KIAA1755: variants seen among roughly 807,000 people sequenced by gnomAD.
KIAA1755 encodes KIAA1755.
A neutral mutation model predicts 91.7 loss-of-function variants in KIAA1755; 68 were observed. The ratio of observed to expected loss-of-function variants is 0.74; its 90% CI spans 0.61 to 0.91. KIAA1755 has a LOEUF of 0.91. KIAA1755 is among the 40% of genes least tolerant of loss of function. The pLI is 0.00. For synonymous variants in KIAA1755, 610 were observed against 604.6 expected (o/e 1.01, Z -0.13); for missense variants, 1,535 against 1,494.4 (o/e 1.03, Z -0.45).
In KIAA1755 at chr20:38,246,208, A is replaced by AT. The variant is rs2076158203; in HGVS notation, c.4-83dup. 3 of 1,160,260 alleles carry AT rather than the reference A, an allele frequency of 2.6e-6. No individual in the cohort carries two copies. The Admixed American group carries it at 6.1e-5, about 23-fold the overall frequency. 71.9% of individuals were successfully genotyped at this position (1,160,260 alleles called of 1,614,324 possible). On this transcript the variant is annotated intron_variant, in intron 1 of 13. Coordinates refer to ENST00000279024, the MANE Select transcript of KIAA1755 (RefSeq NM_001029864.2). ...CTTCCCGTGACCTTCCAGGCCCCAT[A>AT]TGCCTAAGGCCCCTGCTAATTCTCT...
At chr20:38,213,955 C>CTTTT (rs11482397) in intron 13 of KIAA1755, among the ~76,000 whole-genome samples, 1 of 142,876 alleles carries the variant, frequency 7.0e-6, no homozygotes, top group Non-Finnish European at 1.5e-5. Flanking sequence ...CATCAGACAC[C>CTTTT]TTTTTTTTTT....
chr20:38,222,258 G>A (rs559045049), intron 10 of KIAA1755, among the ~76,000 whole-genome samples, 191 bp downstream of exon 10: 1 of 152,362 alleles, frequency 6.6e-6, no homozygotes, highest in Admixed American at 6.5e-5. Context: ...GAGAAGGGGC[G>A]AGGAAATTGC....
chr20:38,222,944 G>T (rs2075688628), intron 9 of KIAA1755: 3 of 352,944 alleles, frequency 8.5e-6, no homozygotes, highest in African/African-American at 2.1e-5. Context: ...CTCTCCAGTG[G>T]CTTTCCCTGC....
Position 38,212,978 on chromosome 20 carries a change from AC to A in KIAA1755, c.*63del. On this transcript the variant is annotated 3_prime_UTR_variant, in exon 14 of 14. Coordinates refer to ENST00000279024, the MANE Select transcript of KIAA1755 (RefSeq NM_001029864.2). The stretch of plus-strand genomic sequence containing the variant: ...CTGGGACTGACCAGAGCTCCCAGCT[AC>A]CCCTCCAGCTGGGCCCTGGCCCAGT... The A allele has an allele frequency of 1.6e-6, 2 of 1,288,272 alleles. No homozygotes were observed. The allele number at this position is 1,288,272 out of a possible 1,614,324, so 79.8% of individuals were successfully genotyped here.
rs138357682 is a variant in KIAA1755, at chr20:38,253,761, C to A, written c.3+6737G>T. Among the ~76,000 whole-genome samples, 65 of 152,292 alleles carry A rather than the reference C, an allele frequency of 4.3e-4. No homozygotes were observed. In the East Asian group the frequency reaches 9.1e-3, roughly 21 times the overall value. The stretch of plus-strand genomic sequence containing the variant: ...AACATTCCGTAACCAGCTTGTATAG[C>A]TTTTATAATTAGGAGGGGAAAAAAT... On this transcript the variant is annotated intron_variant, in intron 1 of 13. Transcript: ENST00000279024.
At chr20:38,248,273 A>G (rs2076190643) in intron 1 of KIAA1755, among the ~76,000 whole-genome samples, 2 of 152,184 alleles carry the variant, frequency 1.3e-5, no homozygotes, top group South Asian at 4.1e-4. Flanking sequence ...CGGAAGCAGG[A>G]TCAGAGAGAT....
intron 2 of KIAA1755, among the ~76,000 whole-genome samples, chr20:38,245,428 G>A (rs1038688553): frequency 6.6e-6 from 1 of 152,232 alleles, no homozygotes; most frequent in Non-Finnish European, 1.5e-5. Context: ...GTCATTTGCA[G>A]CCAATGAGTC....
Position 38,241,803 on chromosome 20 carries a change from C to T in KIAA1755, c.328G>A (p.Glu110Lys), listed in dbSNP as rs200757227. The change falls in exon 3 of 14, where the codon GAG becomes AAG. Residue 110 changes from glutamate (E) to lysine (K), a missense_variant. By Grantham distance (56) the Glu-to-Lys change is moderately conservative. Transcript: ENST00000279024. The part of the protein sequence containing the change: ...LRQGDFYLQV[E>K]PQEEQSVCIM... ...CAGACAGACTGCTCCTCCTGGGGCT[C>T]CACTTGGAGGTAGAAGTCACCCTGG... 5.3e-5 allele frequency: 85 copies of T among 1,614,128 alleles called. No individual in the cohort carries two copies. In the Admixed American group the frequency reaches 9.3e-4, roughly 18 times the overall value.
At chr20:38,243,109 T>C (rs1471009360) in intron 2 of KIAA1755, among the ~76,000 whole-genome samples, 2 of 152,212 alleles carry the variant, frequency 1.3e-5, no homozygotes, top group Non-Finnish European at 2.9e-5. Flanking sequence ...GGTCTTTAAC[T>C]GGCTTTTGGA....
At chr20:38,245,855 CT>C in intron 2 of KIAA1755, 73 bp downstream of exon 2, 2 of 1,447,648 alleles carry the variant, frequency 1.4e-6, no homozygotes, top group Non-Finnish European at 1.9e-6. Context: ...AGCCCACCTC[CT>C]TCTCTGCCCG....
chr20:38,226,282 A>G (rs1050114116), intron 7 of KIAA1755, among the ~76,000 whole-genome samples: 1 of 152,170 alleles, frequency 6.6e-6, no homozygotes, highest in East Asian at 1.9e-4. Context: ...CAGGCAGAGA[A>G]ATTTGAGGTT....
In KIAA1755 at chr20:38,227,222, T is replaced by C; in HGVS notation, c.1984A>G (p.Ile662Val). 1 of 1,613,836 alleles carries C rather than the reference T, an allele frequency of 6.2e-7. No homozygotes were observed. The highest frequency in any genetic ancestry group is 8.5e-7 in the Non-Finnish European group (1 of 1,179,848). ...TCCCCCAGGAAGAGAATAGCCCGGA[T>C]AGAGGCTGGGACCTGAGCCTGTCAA... Reference protein sequence around the residue: ...QATQAQVPASIRAILFLGEKE... With the variant: ...QATQAQVPASVRAILFLGEKE... The change falls in exon 7 of 14, where the codon ATC becomes GTC. Residue 662 changes from isoleucine (I) to valine (V), a missense_variant. Ile to Val is a conservative substitution (Grantham distance 29). Transcript: ENST00000279024.
At chr20:38,235,325 C>T (rs762444471) in intron 4 of KIAA1755, among the ~76,000 whole-genome samples, 11 of 152,132 alleles carry the variant, frequency 7.2e-5, no homozygotes, top group Non-Finnish European at 1.5e-4. Flanking sequence ...GGCTTCGTGC[C>T]TGTGGCCCCA....
chr20:38,239,411 G>T, intron 4 of KIAA1755, 117 bp downstream of exon 4: 2 of 833,554 alleles, frequency 2.4e-6, no homozygotes, highest in Non-Finnish European at 3.8e-6. Context: ...AAGGAGGCTT[G>T]GTCTAGAACC....
intron 4 of KIAA1755, among the ~76,000 whole-genome samples, chr20:38,239,028 G>A (rs1380406126): frequency 6.6e-6 from 1 of 152,156 alleles, no homozygotes; most frequent in East Asian, 1.9e-4. Context: ...ACAGACTGGG[G>A]ATCAGCCCAC....
rs2075466674 is a variant in KIAA1755, at chr20:38,212,591, C to T, written c.*451G>A. ...AAATCCTCATCTCAGGGTCCATTTT[C>T]CTGGAATCCAAGACAAGGAAGCACT... On this transcript the variant is annotated 3_prime_UTR_variant, in exon 14 of 14. Coordinates refer to ENST00000279024, the MANE Select transcript of KIAA1755 (RefSeq NM_001029864.2). 1 of 158,720 alleles carries T rather than the reference C, an allele frequency of 6.3e-6. No individual in the cohort carries two copies. The highest frequency in any genetic ancestry group is 1.4e-5 in the Non-Finnish European group (1 of 72,574). 9.8% of individuals were successfully genotyped at this position (158,720 alleles called of 1,614,324 possible).
chr20:38,229,148 C>G (rs2075816778), intron 5 of KIAA1755, among the ~76,000 whole-genome samples: 1 of 152,208 alleles, frequency 6.6e-6, no homozygotes, highest in Non-Finnish European at 1.5e-5. Flanking sequence ...TACAACCACT[C>G]AGTGCACAGA....
chr20:38,229,777 G>C (rs530791676), intron 5 of KIAA1755, among the ~76,000 whole-genome samples: 1 of 152,286 alleles, frequency 6.6e-6, no homozygotes, highest in South Asian at 2.1e-4. Flanking sequence ...ATTCAGGCGA[G>C]CCTTGGGGAG....
In KIAA1755 at chr20:38,218,743, T is replaced by C. The variant is rs8114554; in HGVS notation, c.2557-377A>G. On this transcript the variant is annotated intron_variant, in intron 11 of 13. Coordinates refer to ENST00000279024, the MANE Select transcript of KIAA1755 (RefSeq NM_001029864.2). ...TCCCTGTTCGGGTGTGTGTGTGTGT[T>C]TGTGTGCGCGTGCACATGCAAACAG... 9.1e-3 allele frequency among the ~76,000 whole-genome samples: 1,377 copies of C among 152,152 alleles called. 28 individuals carry two copies. The highest frequency in any genetic ancestry group is 0.031 in the African/African-American group (1,304 of 41,510).
Sources: gnomAD v4.1 joint callset for allele counts (sites outside exome capture counted in the v4.1 genomes callset) on GRCh38, gnomAD v4.1.1 for gene constraint, MANE v1.5 for transcripts, NCBI Gene and HGNC (gene_info 2026-07-23, HGNC 2026-07-21) for gene names.